The following SCHIP1 variants were observed in gnomAD, a reference collection of about 807,000 sequenced individuals.
SCHIP1 encodes the protein schwannomin interacting protein 1.
SCHIP1 carries 8 observed loss-of-function variants against 29.7 expected under a neutral mutation model. That is an observed-to-expected ratio of 0.27 (90% CI 0.16 to 0.49). The LOEUF (loss-of-function observed/expected upper bound fraction) is 0.49, where lower values mean the gene tolerates loss of function less well. Among genes scored for constraint, SCHIP1 ranks in the 20% least tolerant of loss-of-function variants. The pLI is 0.99. For missense variants in SCHIP1, 193 were observed against 294.6 expected (o/e 0.66, Z 2.52); for synonymous variants, 76 against 94.9 (o/e 0.80, Z 1.16).
At chr3:159,543,046 C>T in the SCHIP1 span, among the ~76,000 whole-genome samples, 1 of 148,994 alleles carries the variant, frequency 6.7e-6, no homozygotes, top group Non-Finnish European at 1.5e-5. Context: ...TATATATATA[C>T]ACACATGCAT....
chr3:159,686,432 C>T, the SCHIP1 span, among the ~76,000 whole-genome samples: 2 of 152,056 alleles, frequency 1.3e-5, no homozygotes, highest in African/African-American at 2.4e-5. Flanking sequence ...TCAAGTGCTA[C>T]GAGTAACACA....
the SCHIP1 span, among the ~76,000 whole-genome samples, chr3:159,732,387 C>T: frequency 1.5e-4 from 23 of 152,346 alleles, no homozygotes; most frequent in East Asian, 4.2e-3. Flanking sequence ...GCAGCCCCAT[C>T]CTGTGTCTGA....
chr3:159,830,514 C>G, the SCHIP1 span, among the ~76,000 whole-genome samples: 2 of 152,098 alleles, frequency 1.3e-5, no homozygotes, highest in South Asian at 4.1e-4. Context: ...ATAGTCCAAA[C>G]TTCTGAGTAA....
At chr3:159,882,445 A>G (rs1716542403) in intron 2 of SCHIP1, among the ~76,000 whole-genome samples, 1 of 151,658 alleles carries the variant, frequency 6.6e-6, no homozygotes, top group Non-Finnish European at 1.5e-5. Flanking sequence ...TAGAAAAGCA[A>G]GTAGAAAATC....
the SCHIP1 span, among the ~76,000 whole-genome samples, chr3:159,578,365 T>A: frequency 4.6e-5 from 7 of 152,196 alleles, no homozygotes; most frequent in African/African-American, 1.7e-4. Flanking sequence ...TCTGACTACA[T>A]GTTGAAATAT....
At chr3:159,733,234 T>A in the SCHIP1 span, among the ~76,000 whole-genome samples, 1 of 152,196 alleles carries the variant, frequency 6.6e-6, no homozygotes, top group African/African-American at 2.4e-5. Flanking sequence ...ATTTTTTTCC[T>A]CCATGGTCTG....
the SCHIP1 span, among the ~76,000 whole-genome samples, chr3:159,710,739 G>A: frequency 6.6e-6 from 1 of 152,014 alleles, no homozygotes; most frequent in African/African-American, 2.4e-5. Context: ...TGTAAGATCT[G>A]AAACTATAAA....
chr3:159,698,527 C>T, the SCHIP1 span, among the ~76,000 whole-genome samples: 1 of 152,250 alleles, frequency 6.6e-6, no homozygotes, highest in Non-Finnish European at 1.5e-5. Context: ...CATGGGTTCG[C>T]ATTGCAATGC....
the SCHIP1 span, among the ~76,000 whole-genome samples, chr3:159,368,858 A>G: frequency 6.6e-6 from 1 of 152,226 alleles, no homozygotes; most frequent in Non-Finnish European, 1.5e-5. Flanking sequence ...GACACAAACT[A>G]CTGATTATAA....
the SCHIP1 span, among the ~76,000 whole-genome samples, chr3:159,396,843 A>G: frequency 3.6e-4 from 55 of 151,680 alleles, 1 homozygote; most frequent in South Asian, 0.01. Flanking sequence ...TGTTCTCTGT[A>G]TTTCCTGAAT....
the SCHIP1 span, among the ~76,000 whole-genome samples, chr3:159,509,045 T>G: frequency 1.6e-4 from 24 of 152,216 alleles, no homozygotes; most frequent in Non-Finnish European, 3.4e-4. Flanking sequence ...GTCTTGTTGA[T>G]CTGTCTAATG....
chr3:159,743,140 T>G, the SCHIP1 span, among the ~76,000 whole-genome samples: 1 of 152,224 alleles, frequency 6.6e-6, no homozygotes, highest in Non-Finnish European at 1.5e-5. Context: ...CCTTCATCTC[T>G]CCTAGGCTGA....
At chr3:159,460,873 T>C in the SCHIP1 span, among the ~76,000 whole-genome samples, 1 of 152,126 alleles carries the variant, frequency 6.6e-6, no homozygotes, top group African/African-American at 2.4e-5. Flanking sequence ...TAGTTTGAAG[T>C]AGAGAAAAAA....
the SCHIP1 span, among the ~76,000 whole-genome samples, chr3:159,803,735 T>C: frequency 6.6e-6 from 1 of 152,216 alleles, no homozygotes; most frequent in Admixed American, 6.5e-5. Context: ...ACATTGGGAA[T>C]GTTTAGGGAC....
At chr3:159,464,363 A>G in the SCHIP1 span, among the ~76,000 whole-genome samples, 10 of 152,196 alleles carry the variant, frequency 6.6e-5, no homozygotes, top group South Asian at 4.1e-4. Context: ...TGCACAATAA[A>G]TGATGCCACA....
the SCHIP1 span, among the ~76,000 whole-genome samples, chr3:159,712,186 G>A: frequency 1.4e-4 from 21 of 152,126 alleles, no homozygotes; most frequent in African/African-American, 4.1e-4. Context: ...AATGCATCTC[G>A]TTGGTCAAAG....
At chr3:159,367,544 T>C in the SCHIP1 span, among the ~76,000 whole-genome samples, 1 of 152,234 alleles carries the variant, frequency 6.6e-6, no homozygotes, top group Non-Finnish European at 1.5e-5. Context: ...TTGTTTTAAT[T>C]AACTTTAGTA....
chr3:159,518,388 G>T, the SCHIP1 span, among the ~76,000 whole-genome samples: 2 of 151,794 alleles, frequency 1.3e-5, no homozygotes, highest in African/African-American at 4.8e-5. Flanking sequence ...TGGCTACATA[G>T]GTTTTTATTT....
At chr3:159,759,343 G>C in the SCHIP1 span, among the ~76,000 whole-genome samples, 1 of 152,174 alleles carries the variant, frequency 6.6e-6, no homozygotes, top group African/African-American at 2.4e-5. Flanking sequence ...GTCTAATAGA[G>C]ATAGATCTGG....
Sources: gnomAD v4.1 joint callset for allele counts (sites outside exome capture counted in the v4.1 genomes callset) on GRCh38, gnomAD v4.1.1 for gene constraint, MANE v1.5 for transcripts, NCBI Gene and HGNC (gene_info 2026-07-23, HGNC 2026-07-21) for gene names.